The following ATP9A variants were observed in gnomAD, a reference collection of about 807,000 sequenced individuals.
ATP9A encodes probable phospholipid-transporting ATPase IIA.
Under a neutral mutation model 144.1 loss-of-function variants are expected in ATP9A, and 52 were observed. That is an observed-to-expected ratio of 0.36 (90% CI 0.29 to 0.45). The LOEUF (loss-of-function observed/expected upper bound fraction) is 0.45, where lower values mean the gene tolerates loss of function less well. Among genes scored for constraint, ATP9A ranks in the 20% least tolerant of loss-of-function variants. The pLI is 1.00. For synonymous variants in ATP9A, 582 were observed against 557.4 expected, an observed-to-expected ratio of 1.04 and a Z score of -0.62; for missense variants, 947 against 1,392.7, an observed-to-expected ratio of 0.68 and a Z score of 5.09.
chr20:51,687,529 TGA>T (rs1439078063), intron 9 of ATP9A, among the ~76,000 whole-genome samples: 2 of 152,138 alleles, frequency 1.3e-5, no homozygotes, highest in Non-Finnish European at 2.9e-5. Flanking sequence ...GCGTTTTGGC[TGA>T]AGCAGAAGGA....
chr20:51,703,419 C>T lies in ATP9A; in HGVS notation c.437-5937G>A, dbSNP rs189343330. Among the ~76,000 whole-genome samples, 420 of 152,268 alleles carry T rather than the reference C, an allele frequency of 2.8e-3. 3 individuals carry two copies. Among genetic ancestry groups the T allele is most frequent in the Middle Eastern group, 6.8e-3 (2 of 294 alleles). On this transcript the variant is annotated intron_variant, in intron 4 of 27. Transcript: ENST00000338821. Reference sequence around the variant, plus strand: ...GTAAGAGATTTTTGCAAAAGTTAAGCGGAAAATTCTCTGCCTGCCACATCC... The same window carrying T: ...GTAAGAGATTTTTGCAAAAGTTAAGTGGAAAATTCTCTGCCTGCCACATCC...
At chr20:51,679,129 G>A (rs989928762) in intron 9 of ATP9A, among the ~76,000 whole-genome samples, 4 of 151,752 alleles carry the variant, frequency 2.6e-5, no homozygotes, top group African/African-American at 4.8e-5. Context: ...TTTGAGACCA[G>A]CCTGGCCAAC....
intron 24 of ATP9A, among the ~76,000 whole-genome samples, chr20:51,609,688 C>T (rs931909781): frequency 5.9e-5 from 9 of 152,162 alleles, no homozygotes; most frequent in Non-Finnish European, 1.3e-4. Context: ...CCTGGAGCTC[C>T]AAGGATGGGA....
intron 15 of ATP9A, among the ~76,000 whole-genome samples, chr20:51,634,855 CAA>C (rs74175564): frequency 1.8e-5 from 2 of 109,860 alleles, no homozygotes; most frequent in African/African-American, 3.2e-5. Context: ...AACTCCATCT[CAA>C]AAAAAAAAAA....
chr20:51,605,056 C>T, intron 26 of ATP9A, 36 bp from the exon 27 acceptor site: 1 of 1,535,370 alleles, frequency 6.5e-7, no homozygotes, highest in Non-Finnish European at 8.8e-7. Context: ...CCCTCACCCT[C>T]CCTGCGAAAG....
chr20:51,618,834 T>C (rs1385997116), intron 20 of ATP9A, 28 bp from the exon 21 acceptor site: 9 of 1,577,676 alleles, frequency 5.7e-6, no homozygotes, highest in Non-Finnish European at 7.8e-6. Flanking sequence ...AGGTGGTGCG[T>C]TGGTGGAGGG....
intron 1 of ATP9A, among the ~76,000 whole-genome samples, chr20:51,767,216 C>T (rs998210404): frequency 1.3e-5 from 2 of 152,032 alleles, no homozygotes; most frequent in Non-Finnish European, 2.9e-5. Context: ...ACCAGACGCC[C>T]GAGGAAGGGC....
At chr20:51,711,529 G>GC (rs2077638501) in intron 4 of ATP9A, among the ~76,000 whole-genome samples, 4 of 152,186 alleles carry the variant, frequency 2.6e-5, no homozygotes, top group Non-Finnish European at 5.9e-5. Flanking sequence ...GCAAGGCATA[G>GC]CCTTTATTCC....
At chr20:51,630,386 T>C (rs1449423052) in intron 15 of ATP9A, among the ~76,000 whole-genome samples, 1 of 152,174 alleles carries the variant, frequency 6.6e-6, no homozygotes, top group Non-Finnish European at 1.5e-5. Context: ...CTTCATTGAA[T>C]ATGGAACCGT....
At chr20:51,727,362 A>G (rs111445071) in intron 2 of ATP9A, among the ~76,000 whole-genome samples, 10,262 of 151,988 alleles carry the variant, frequency 0.068, 790 homozygotes, top group African/African-American at 0.19. Context: ...GAGGTTGGCA[A>G]ATGGCTTGAG....
chr20:51,632,186 A>G (rs1253580386), intron 15 of ATP9A, among the ~76,000 whole-genome samples: 1 of 151,954 alleles, frequency 6.6e-6, no homozygotes, highest in Non-Finnish European at 1.5e-5. Flanking sequence ...CTCAACCTGG[A>G]CCTCCTGACC....
At chr20:51,627,288 T>C (rs1344870916) in intron 17 of ATP9A, among the ~76,000 whole-genome samples, 1 of 152,118 alleles carries the variant, frequency 6.6e-6, no homozygotes, top group African/African-American at 2.4e-5. Context: ...ACAAATGCAA[T>C]GAACAAAGTG....
intron 10 of ATP9A, 41 bp from the exon 11 acceptor site, chr20:51,674,354 T>C: frequency 6.2e-7 from 1 of 1,602,276 alleles, no homozygotes; most frequent in Non-Finnish European, 8.5e-7. Context: ...GATGAGCTGG[T>C]GTAACTAATC....
intron 1 of ATP9A, among the ~76,000 whole-genome samples, chr20:51,754,191 T>G (rs2077845947): frequency 6.6e-6 from 1 of 152,010 alleles, no homozygotes; most frequent in Non-Finnish European, 1.5e-5. Flanking sequence ...TGTCTAAAAC[T>G]CAATCTCAGA....
intron 21 of ATP9A, 89 bp downstream of exon 21, chr20:51,618,573 A>G: frequency 6.7e-7 from 1 of 1,488,120 alleles, no homozygotes; most frequent in Non-Finnish European, 8.9e-7. Context: ...AATTTGAAGA[A>G]AGAGCAGCAG....
At chr20:51,676,035 A>G (rs2077475766) in intron 10 of ATP9A, 97 bp downstream of exon 10, 1 of 863,622 alleles carries the variant, frequency 1.2e-6, no homozygotes, top group African/African-American at 1.7e-5. Context: ...CTGTATAAAT[A>G]TCACTCTTAG....
chr20:51,664,246 C>T (rs181365617), intron 13 of ATP9A, among the ~76,000 whole-genome samples: 1 of 151,880 alleles, frequency 6.6e-6, no homozygotes, highest in Admixed American at 6.6e-5. Flanking sequence ...TATTGTACTA[C>T]TGAACATTAC....
At chr20:51,766,664 AC>A (rs1258445170) in intron 1 of ATP9A, among the ~76,000 whole-genome samples, 3 of 151,362 alleles carry the variant, frequency 2.0e-5, no homozygotes, top group Non-Finnish European at 4.4e-5. Context: ...AGATGGTGAA[AC>A]CCCCGTCTCT....
At chr20:51,738,752 T>C (rs1198355722) in intron 1 of ATP9A, among the ~76,000 whole-genome samples, 3 of 151,378 alleles carry the variant, frequency 2.0e-5, no homozygotes, top group Non-Finnish European at 4.4e-5. Context: ...GCCTCTCTCC[T>C]TTACAGTGCT....
Sources: gnomAD v4.1 joint callset for allele counts (sites outside exome capture counted in the v4.1 genomes callset) on GRCh38, gnomAD v4.1.1 for gene constraint, MANE v1.5 for transcripts, NCBI Gene and HGNC (gene_info 2026-07-23, HGNC 2026-07-21) for gene names.